SETBP1: variants seen among roughly 807,000 people sequenced by gnomAD.
SETBP1 encodes SET binding protein 1.
A neutral mutation model predicts 101.0 loss-of-function variants in SETBP1; 9 were observed. The ratio of observed to expected loss-of-function variants is 0.09; its 90% CI spans 0.05 to 0.16. The LOEUF (loss-of-function observed/expected upper bound fraction) is 0.16. Among genes scored for constraint, SETBP1 ranks in the 10% least tolerant of loss-of-function variants. SETBP1 has a pLI of 1.00. For synonymous variants in SETBP1, 818 were observed against 788.5 expected (o/e 1.04, Z -0.63); for missense variants, 1,858 against 2,033.8 (o/e 0.91, Z 1.66).
At chr18:44,757,211 TC>T (rs2070516668) in intron 2 of SETBP1, among the ~76,000 whole-genome samples, 1 of 152,092 alleles carries the variant, frequency 6.6e-6, no homozygotes, top group Non-Finnish European at 1.5e-5. Flanking sequence ...CAGTGGCCAC[TC>T]CCCCTCTGCC....
chr18:44,703,246 A>C (rs2069148625), intron 2 of SETBP1, among the ~76,000 whole-genome samples: 1 of 148,390 alleles, frequency 6.7e-6, no homozygotes, highest in Non-Finnish European at 1.5e-5. Flanking sequence ...TTGATCAATT[A>C]TTTGGGCTCT....
chr18:45,051,336 A>T (rs1246268111), intron 5 of SETBP1, among the ~76,000 whole-genome samples: 2 of 152,192 alleles, frequency 1.3e-5, no homozygotes, highest in African/African-American at 4.8e-5. Flanking sequence ...AGAAAAAGTT[A>T]AAGCAATTTT....
chr18:44,772,059 G>A (rs1488182928), intron 2 of SETBP1, among the ~76,000 whole-genome samples: 1 of 152,138 alleles, frequency 6.6e-6, no homozygotes, highest in Non-Finnish European at 1.5e-5. Context: ...GTTGACATTT[G>A]TTTTGACCTT....
intron 2 of SETBP1, among the ~76,000 whole-genome samples, chr18:44,849,145 G>A (rs760686952): frequency 7.2e-5 from 11 of 152,190 alleles, no homozygotes; most frequent in East Asian, 3.9e-4. Flanking sequence ...CTGCTGCTGG[G>A]AGGAGGAAAT....
chr18:44,720,024 A>C (rs976391366), intron 2 of SETBP1, among the ~76,000 whole-genome samples: 2 of 152,146 alleles, frequency 1.3e-5, no homozygotes, highest in African/African-American at 4.8e-5. Context: ...ACCTCAGCTG[A>C]AGAGGGTGGC....
chr18:44,711,267 C>A lies in SETBP1; in HGVS notation c.486+9435C>A, dbSNP rs568185483. 2.2e-4 allele frequency among the ~76,000 whole-genome samples: 28 copies of A among 126,218 alleles called. 1 individual carries two copies. Among genetic ancestry groups the A allele is most frequent in the African/African-American group, 8.4e-4 (28 of 33,384 alleles). 82.8% of individuals were successfully genotyped at this position (126,218 alleles called of 152,430 possible). A position where few individuals can be genotyped will look rare whatever the true frequency, so the allele number is the denominator to read the frequency against. ...CTACTCCTCCCGCCTCCCTCCCTCT[C>A]TCCCTCCCTCCTGATTGTTTCTGCT... On this transcript the variant is annotated intron_variant, in intron 2 of 5. Coordinates refer to ENST00000649279, the MANE Select transcript of SETBP1 (RefSeq NM_015559.3).
chr18:44,877,170 G>A, intron 3 of SETBP1: 4 of 948,636 alleles, frequency 4.2e-6, no homozygotes, highest in Non-Finnish European at 5.0e-6. Context: ...CCTGTCAAGT[G>A]TGTGTCGCTG....
intron 2 of SETBP1, among the ~76,000 whole-genome samples, chr18:44,804,098 A>T (rs1287580453): frequency 6.6e-6 from 1 of 152,166 alleles, no homozygotes; most frequent in African/African-American, 2.4e-5. Flanking sequence ...GCCCAAATAC[A>T]CATGATTTTG....
In SETBP1 at chr18:44,710,893, C is replaced by G. The variant is rs141794961; in HGVS notation, c.486+9061C>G. Among the ~76,000 whole-genome samples the G allele has an allele frequency of 3.6e-4, 55 of 152,312 alleles. 1 individual carries two copies. In the East Asian group the frequency reaches 0.011, roughly 29 times the overall value. On this transcript the variant is annotated intron_variant, in intron 2 of 5. Coordinates refer to ENST00000649279, the MANE Select transcript of SETBP1 (RefSeq NM_015559.3). Reference sequence around the variant, plus strand: ...TTGGCACTAAGGCTCTGATCACTCCCCTATGGAGCCATCAGTGGCCAGAGG... The same window carrying G: ...TTGGCACTAAGGCTCTGATCACTCCGCTATGGAGCCATCAGTGGCCAGAGG...
At position 44,902,892 on chromosome 18, in the gene SETBP1, T is replaced by TTA. The variant is rs147989536; in HGVS notation, c.540+33621_540+33622dup. Among the ~76,000 whole-genome samples, 345 of 151,544 alleles carry TTA rather than the reference T, an allele frequency of 2.3e-3. 1 individual carries two copies. Among genetic ancestry groups the TTA allele is most frequent in the African/African-American group, 5.6e-3 (233 of 41,394 alleles). On this transcript the variant is annotated intron_variant, in intron 3 of 5. Coordinates refer to ENST00000649279, the MANE Select transcript of SETBP1 (RefSeq NM_015559.3). ...ATATATATGTGATAAAGTTTACATG[T>TTA]TATATATATATATGTTGTATTGCCA...
chr18:44,682,168 C>T (rs1568087352), intron 1 of SETBP1, among the ~76,000 whole-genome samples: 1 of 152,190 alleles, frequency 6.6e-6, no homozygotes, highest in Non-Finnish European at 1.5e-5. Flanking sequence ...GATTTGGCAC[C>T]ATCTCTTACC....
rs746875669 is a variant in SETBP1, at chr18:44,952,016, C to T, written c.2676C>T (p.Tyr892=). Residue 892 remains tyrosine (Y), a synonymous_variant, in exon 4 of 6, where the codon TAC becomes TAT. Transcript: ENST00000649279. ...AEKSSESRRR[Y]SFDFCSLDNP... Reference sequence around the variant, plus strand: ...AGAGCTCAGAATCCCGAAGGAGGTACTCTTTTGATTTCTGCTCCCTGGACA... The same window carrying T: ...AGAGCTCAGAATCCCGAAGGAGGTATTCTTTTGATTTCTGCTCCCTGGACA... 12 of 1,613,966 alleles carry T rather than the reference C, an allele frequency of 7.4e-6. No homozygotes were observed. The highest frequency in any genetic ancestry group is 1.7e-5 in the Admixed American group (1 of 59,992).
intron 2 of SETBP1, among the ~76,000 whole-genome samples, chr18:44,721,328 T>C (rs1270721654): frequency 6.6e-6 from 1 of 152,224 alleles, no homozygotes; most frequent in African/African-American, 2.4e-5. Flanking sequence ...CCAGGAGTTA[T>C]GCCTCATATA....
chr18:44,775,585 T>A (rs546118584), intron 2 of SETBP1, among the ~76,000 whole-genome samples: 1 of 152,282 alleles, frequency 6.6e-6, no homozygotes, highest in Non-Finnish European at 1.5e-5. Flanking sequence ...ACTTTCTAAT[T>A]TGTTTTTTTT....
chr18:44,680,657 G>A (rs1238436144), upstream of SETBP1, among the ~76,000 whole-genome samples: 1 of 152,146 alleles, frequency 6.6e-6, no homozygotes, highest in African/African-American at 2.4e-5. Flanking sequence ...TGGCTCAATT[G>A]GAGTGGCTCG....
rs139145028 is a variant in SETBP1, at chr18:44,850,665, C to A, written c.487-18565C>A. Among the ~76,000 whole-genome samples, 107 of 152,160 alleles carry A rather than the reference C, an allele frequency of 7.0e-4. 1 individual carries two copies. The highest frequency in any genetic ancestry group is 5.2e-3 in the South Asian group (25 of 4,824). On this transcript the variant is annotated intron_variant, in intron 2 of 5. Coordinates refer to ENST00000649279, the MANE Select transcript of SETBP1 (RefSeq NM_015559.3). Reference sequence around the variant, plus strand: ...GAATTATAGGTGTGAGCCACAGCACCCGGCACCAGATGGCTTCTTATATCA... The same window carrying A: ...GAATTATAGGTGTGAGCCACAGCACACGGCACCAGATGGCTTCTTATATCA...
At chr18:44,772,625 G>A (rs1568135520) in intron 2 of SETBP1, among the ~76,000 whole-genome samples, 1 of 152,158 alleles carries the variant, frequency 6.6e-6, no homozygotes, top group Non-Finnish European at 1.5e-5. Flanking sequence ...ATCCTCCCAA[G>A]TAATTATGTG....
intron 2 of SETBP1, among the ~76,000 whole-genome samples, chr18:44,719,260 C>T (rs780864242): frequency 1.3e-5 from 2 of 152,102 alleles, no homozygotes; most frequent in African/African-American, 2.4e-5. Flanking sequence ...CCAGTGTATT[C>T]GGGCAAATCA....
intron 2 of SETBP1, among the ~76,000 whole-genome samples, chr18:44,734,044 C>T (rs17710169): frequency 1.3e-5 from 2 of 152,086 alleles, no homozygotes; most frequent in Non-Finnish European, 2.9e-5. Context: ...GCAAAAGTCA[C>T]ACACTGAAGC....
Sources: allele counts gnomAD v4.1 joint callset (sites outside exome capture counted in the v4.1 genomes callset), GRCh38; gene constraint gnomAD v4.1.1; transcripts MANE v1.5; gene names NCBI Gene and HGNC (gene_info 2026-07-23, HGNC 2026-07-21).